Variants in SCFD2 observed in about 807,000 individuals in gnomAD.
The protein encoded by SCFD2 is sec1 family domain containing 2, also known as sec1 family domain-containing protein 2.
SCFD2 carries 54 observed loss-of-function variants against 58.9 expected under a neutral mutation model. That is an observed-to-expected ratio of 0.92 (90% CI 0.74 to 1.15). The LOEUF is 1.15. Ranked by LOEUF, SCFD2 falls within the 50% of genes most tolerant of loss-of-function variation. The pLI, the probability that SCFD2 is intolerant of heterozygous loss-of-function variation, is 0.00. For missense variants in SCFD2, 805 were observed against 836.6 expected (o/e 0.96, Z 0.47); for synonymous variants, 321 against 335.9 (o/e 0.96, Z 0.49).
At chr4:53,092,529 T>G (rs374368337) in intron 5 of SCFD2, among the ~76,000 whole-genome samples, 39 of 152,186 alleles carry the variant, frequency 2.6e-4, no homozygotes, top group African/African-American at 8.9e-4. Flanking sequence ...AGCCCCCAAA[T>G]TGGAAACAAC....
At chr4:53,129,553 T>C (rs558129937) in intron 5 of SCFD2, among the ~76,000 whole-genome samples, 1 of 152,226 alleles carries the variant, frequency 6.6e-6, no homozygotes, top group Non-Finnish European at 1.5e-5. Context: ...CTAGAGCCTG[T>C]TGCATCTCTT....
Position 52,890,477 on chromosome 4 carries a change from G to A in SCFD2, c.1843-4611C>T, listed in dbSNP as rs116674427. On this transcript the variant is annotated intron_variant, in intron 7 of 8. Coordinates refer to ENST00000401642, the MANE Select transcript of SCFD2 (RefSeq NM_152540.4). ...AGCCGTTCAAGTCAACAGACTGTTG[G>A]GAAGTGGAGTCTTTTCAGCCTTTTC... Among the ~76,000 whole-genome samples, 323 of 152,254 alleles carry A rather than the reference G, an allele frequency of 2.1e-3. 1 individual carries two copies. The highest frequency in any genetic ancestry group is 7.6e-3 in the African/African-American group (317 of 41,556).
chr4:52,982,559 T>C (rs749724320), intron 5 of SCFD2, among the ~76,000 whole-genome samples: 1 of 152,190 alleles, frequency 6.6e-6, no homozygotes. Flanking sequence ...AAACTACTTA[T>C]CAGTATAAAT....
At chr4:53,169,056 C>T (rs73143476) in intron 4 of SCFD2, among the ~76,000 whole-genome samples, 5,392 of 152,248 alleles carry the variant, frequency 0.035, 330 homozygotes, top group African/African-American at 0.12. Context: ...TCCATGTTGT[C>T]GCAAATGAAT....
chr4:52,901,417 C>A (rs547322675), intron 7 of SCFD2, among the ~76,000 whole-genome samples: 20 of 152,280 alleles, frequency 1.3e-4, no homozygotes, highest in African/African-American at 4.8e-4. Context: ...GCACTTAAGG[C>A]TAGGCCATAA....
rs1347270263 is a variant in SCFD2, at chr4:53,280,525, A to G, written c.1136-6524T>C. Among the ~76,000 whole-genome samples the G allele has an allele frequency of 2.0e-5, 3 of 152,274 alleles. No homozygotes were observed. In the East Asian group the frequency reaches 5.8e-4, roughly 29 times the overall value. Reference sequence around the variant, plus strand: ...AGGGAAACTCTGTCTGGAAAAAAAAAAAAGAAAGAAAGCAATTTTGTCTAG... The same window carrying G: ...AGGGAAACTCTGTCTGGAAAAAAAAGAAAGAAAGAAAGCAATTTTGTCTAG... On this transcript the variant is annotated intron_variant, in intron 3 of 8. Coordinates refer to ENST00000401642, the MANE Select transcript of SCFD2 (RefSeq NM_152540.4).
chr4:53,200,925 T>G (rs1728210323), intron 4 of SCFD2, among the ~76,000 whole-genome samples: 2 of 152,076 alleles, frequency 1.3e-5, no homozygotes, highest in Admixed American at 6.6e-5. Flanking sequence ...ATCAAAAGTT[T>G]AAAAGTTCAG....
intron 3 of SCFD2, among the ~76,000 whole-genome samples, chr4:53,279,915 C>T (rs571972390): frequency 2.0e-5 from 3 of 152,318 alleles, no homozygotes; most frequent in African/African-American, 7.2e-5. Context: ...ATCAGGGAAA[C>T]TGCCCCCATG....
rs554462370 is a variant in SCFD2 at position 53,033,826 on chromosome 4, C to T, written c.1561+111507G>A. Among the ~76,000 whole-genome samples, 52 of 150,930 alleles carry T rather than the reference C, an allele frequency of 3.4e-4. No individual in the cohort carries two copies. The South Asian group carries it at 0.01, about 30-fold the overall frequency. ...GTTCTGAAATTGAGGCAATAACAGC[C>T]ACCCAACCAAAAAAAGTCCAGGACC... On this transcript the variant is annotated intron_variant, in intron 5 of 8. Transcript: ENST00000401642.
At chr4:52,935,436 C>T (rs779544197) in intron 5 of SCFD2, among the ~76,000 whole-genome samples, 7 of 152,170 alleles carry the variant, frequency 4.6e-5, no homozygotes, top group Admixed American at 1.3e-4. Flanking sequence ...TCTAGGAAGA[C>T]CTCTAAGATT....
chr4:52,947,963 T>C (rs369777609), intron 5 of SCFD2, among the ~76,000 whole-genome samples: 1 of 24,300 alleles, frequency 4.1e-5, no homozygotes, highest in African/African-American at 1.9e-4. Context: ...AGTAGAAAAA[T>C]AGGCCAAAAA....
intron 5 of SCFD2, among the ~76,000 whole-genome samples, chr4:52,926,264 A>G (rs979478649): frequency 1.3e-5 from 2 of 152,058 alleles, no homozygotes; most frequent in African/African-American, 2.4e-5. Flanking sequence ...CCTGGTTTCC[A>G]TAAGTTTGGG....
chr4:53,229,864 C>A (rs1384589512), intron 4 of SCFD2, among the ~76,000 whole-genome samples: 2 of 152,054 alleles, frequency 1.3e-5, no homozygotes, highest in Non-Finnish European at 2.9e-5. Flanking sequence ...ATTTTTGCAA[C>A]CTATTCATCT....
chr4:52,880,956 C>T (rs996291900), intron 8 of SCFD2, among the ~76,000 whole-genome samples: 7 of 152,218 alleles, frequency 4.6e-5, no homozygotes, highest in Non-Finnish European at 8.8e-5. Flanking sequence ...TGGGCACATG[C>T]GGATCAGAGC....
chr4:53,035,202 T>C (rs1016183555), intron 5 of SCFD2, among the ~76,000 whole-genome samples: 18 of 152,130 alleles, frequency 1.2e-4, no homozygotes, highest in African/African-American at 4.3e-4. Flanking sequence ...TTGACAAACC[T>C]GACACAAAAA....
chr4:52,889,036 C>G (rs1363057230), intron 7 of SCFD2, among the ~76,000 whole-genome samples: 2 of 152,200 alleles, frequency 1.3e-5, no homozygotes, highest in East Asian at 3.9e-4. Flanking sequence ...CTGAGCCAGG[C>G]ACATGAGAGA....
intron 5 of SCFD2, among the ~76,000 whole-genome samples, chr4:53,078,209 G>A (rs79328516): frequency 0.012 from 1,826 of 152,152 alleles, 37 homozygotes; most frequent in African/African-American, 0.042. Context: ...TGAAGTACTC[G>A]CCTAGGATCA....
chr4:53,195,637 CA>C (rs374899274), intron 4 of SCFD2, among the ~76,000 whole-genome samples: 22 of 152,276 alleles, frequency 1.4e-4, no homozygotes, highest in African/African-American at 4.6e-4. Flanking sequence ...ATGCTAAAAA[CA>C]GATGTGCTAC....
chr4:53,129,261 A>G (rs2148898290), intron 5 of SCFD2, among the ~76,000 whole-genome samples: 1 of 152,218 alleles, frequency 6.6e-6, no homozygotes, highest in East Asian at 1.9e-4. Context: ...AACAAAACGA[A>G]CAGAAAAAAA....
Sources: gnomAD v4.1 joint callset for allele counts (sites outside exome capture counted in the v4.1 genomes callset) on GRCh38, gnomAD v4.1.1 for gene constraint, MANE v1.5 for transcripts, NCBI Gene and HGNC (gene_info 2026-07-23, HGNC 2026-07-21) for gene names.